Variants in PFKP observed in about 807,000 individuals in gnomAD.
PFKP encodes the protein ATP-dependent 6-phosphofructokinase, platelet type.
Under a neutral mutation model 94.3 loss-of-function variants are expected in PFKP, and 101 were observed. The ratio of observed to expected loss-of-function variants is 1.07; its 90% CI spans 0.91 to 1.26. The LOEUF (loss-of-function observed/expected upper bound fraction) is 1.26, where lower values mean the gene tolerates loss of function less well. Ranked by LOEUF, PFKP falls within the 50% of genes most tolerant of loss-of-function variation. The pLI, the probability that PFKP is intolerant of heterozygous loss-of-function variation, is 0.00. For synonymous variants in PFKP, 573 were observed against 432.6 expected (o/e 1.32, Z -4.03); for missense variants, 1,145 against 1,103.3 (o/e 1.04, Z -0.53).
intron 2 of PFKP, among the ~76,000 whole-genome samples, chr10:3,097,949 C>T (rs1439393564): frequency 2.0e-5 from 3 of 152,140 alleles, no homozygotes; most frequent in Non-Finnish European, 2.9e-5. Context: ...ATGTAAGTTG[C>T]AGTGAGCCGA....
intron 7 of PFKP, 71 bp from the exon 8 acceptor site, chr10:3,107,143 T>C (rs1835713402): frequency 3.2e-6 from 3 of 934,724 alleles, no homozygotes; most frequent in South Asian, 2.7e-5. Context: ...GACAGACTTC[T>C]GTGGTTTTGT....
At chr10:3,091,209 T>G (rs538317684) in intron 2 of PFKP, among the ~76,000 whole-genome samples, 2 of 152,312 alleles carry the variant, frequency 1.3e-5, no homozygotes, top group South Asian at 4.1e-4. Flanking sequence ...TGTTGCTTCT[T>G]TCTTTTTTCT....
chr10:3,120,481 A>G (rs1837299873), intron 16 of PFKP, among the ~76,000 whole-genome samples: 1 of 151,952 alleles, frequency 6.6e-6, no homozygotes, highest in Non-Finnish European at 1.5e-5. Context: ...ATTGAACTGA[A>G]TATTTTATAA....
intron 1 of PFKP, among the ~76,000 whole-genome samples, chr10:3,078,026 G>T (rs927966538): frequency 3.3e-5 from 5 of 152,180 alleles, no homozygotes; most frequent in African/African-American, 9.7e-5. Context: ...CTTGGGTTGG[G>T]CTCCCAAAAC....
intron 1 of PFKP, among the ~76,000 whole-genome samples, chr10:3,080,030 G>A (rs578003211): frequency 2.5e-4 from 38 of 152,202 alleles, no homozygotes; most frequent in Non-Finnish European, 4.9e-4. Context: ...TGCCAGAGCC[G>A]AGGAGGAGTT....
intron 7 of PFKP, among the ~76,000 whole-genome samples, chr10:3,106,108 A>G (rs1421891001): frequency 6.6e-6 from 1 of 152,082 alleles, no homozygotes. Flanking sequence ...TGTGTGCAAT[A>G]CAACCTCATC....
rs1344191541 is a variant in PFKP at position 3,136,701 on chromosome 10, ATCTGCC to A, written c.*123_*128del. On this transcript the variant is annotated 3_prime_UTR_variant, in exon 22 of 22. Transcript: ENST00000381125. ...ATTAATACCTAATCGGCGAGTGCCC[ATCTGCC>A]CCACCTGCTCCAGTGCGTGCTGTCT... The A allele has an allele frequency of 4.6e-5, 48 of 1,037,376 alleles. No homozygotes were observed. Among genetic ancestry groups the A allele is most frequent in the East Asian group, 2.5e-4 (9 of 36,316 alleles). The allele number at this position is 1,037,376 out of a possible 1,614,324, so 64.3% of individuals were successfully genotyped here.
chr10:3,110,555 C>T (rs746482037), intron 10 of PFKP, among the ~76,000 whole-genome samples: 1 of 151,978 alleles, frequency 6.6e-6, no homozygotes, highest in East Asian at 1.9e-4. Flanking sequence ...ATTCGTGACT[C>T]CTGTTTTGTT....
intron 16 of PFKP, 55 bp downstream of exon 16, chr10:3,120,099 C>T: frequency 6.4e-7 from 1 of 1,554,976 alleles, no homozygotes; most frequent in Non-Finnish European, 8.8e-7. Flanking sequence ...ACCCCGGGGC[C>T]CCGGCCCTTT....
chr10:3,068,643 C>T, intron 1 of PFKP: 3 of 984,526 alleles, frequency 3.0e-6, no homozygotes, highest in Non-Finnish European at 3.6e-6. Flanking sequence ...CATTGAAGAG[C>T]GGAAGGTGGC....
At chr10:3,104,035 AT>A (rs1835298542) in intron 5 of PFKP, 91 bp downstream of exon 5, 1 of 1,210,354 alleles carries the variant, frequency 8.3e-7, no homozygotes, top group Non-Finnish European at 1.2e-6. Flanking sequence ...CATTCTGCAG[AT>A]TGGGTGTCCT....
chr10:3,124,652 G>A (rs542217370), intron 16 of PFKP, among the ~76,000 whole-genome samples: 2 of 152,318 alleles, frequency 1.3e-5, no homozygotes, highest in Non-Finnish European at 2.9e-5. Context: ...GGCATTTGGT[G>A]TGGTCCTTAC....
At chr10:3,076,094 A>G (rs1441461279) in intron 1 of PFKP, among the ~76,000 whole-genome samples, 1 of 151,578 alleles carries the variant, frequency 6.6e-6, no homozygotes, top group Non-Finnish European at 1.5e-5. Flanking sequence ...CACTATTTTG[A>G]TAACAATCAA....
intron 15 of PFKP, 130 bp from the exon 16 acceptor site, chr10:3,119,762 G>GT: frequency 6.0e-6 from 4 of 663,996 alleles, no homozygotes; most frequent in East Asian, 2.8e-5. Context: ...GTTGATCTCG[G>GT]AGTGTTTTCG....
At chr10:3,135,613 G>C in intron 20 of PFKP, 123 bp from the exon 21 acceptor site, 1 of 630,050 alleles carries the variant, frequency 1.6e-6, no homozygotes, top group Non-Finnish European at 2.8e-6. Flanking sequence ...AGTCTCACTG[G>C]GCTTCCAGGC....
At position 3,116,654 on chromosome 10, in the gene PFKP, T is replaced by A. The variant is rs976972817; in HGVS notation, c.1372-122T>A. The A allele has an allele frequency of 3.8e-5, 29 of 761,234 alleles. No individual in the cohort carries two copies. The Admixed American group carries it at 4.7e-4, about 12-fold the overall frequency. The allele number at this position is 761,234 out of a possible 1,614,324, so 47.2% of individuals were successfully genotyped here. ...GGGCATCGTGATAAATGCTGTCTCA[T>A]ACGCCTCTCAAATCTTTACCGGAAT... On this transcript the variant is annotated intron_variant, in intron 13 of 21. Coordinates refer to ENST00000381125, the MANE Select transcript of PFKP (RefSeq NM_002627.5).
At chr10:3,110,356 G>A (rs1258304371) in intron 10 of PFKP, among the ~76,000 whole-genome samples, 11 of 141,596 alleles carry the variant, frequency 7.8e-5, no homozygotes, top group East Asian at 4.2e-4. Flanking sequence ...CCACCACCAC[G>A]CCTGGCTAAT....
chr10:3,102,230 G>A (rs1455480190), intron 4 of PFKP, among the ~76,000 whole-genome samples: 44 of 104,524 alleles, frequency 4.2e-4, no homozygotes, highest in South Asian at 1.2e-3. Context: ...CAGCCTGGGC[G>A]ACAGAGCGAG....
chr10:3,094,359 G>A lies in PFKP; in HGVS notation c.187-4916G>A, dbSNP rs183207368. Among the ~76,000 whole-genome samples, 618 of 152,352 alleles carry A rather than the reference G, an allele frequency of 4.1e-3. 3 individuals carry two copies. The highest frequency in any genetic ancestry group is 7.3e-3 in the Non-Finnish European group (495 of 68,042). On this transcript the variant is annotated intron_variant, in intron 2 of 21. Transcript: ENST00000381125. The stretch of plus-strand genomic sequence containing the variant: ...CATTATTGGTCTTCCAAAGAAGCAA[G>A]TGCAGGACCACATGATGGTGTGTCG...
Sources: allele counts gnomAD v4.1 joint callset (sites outside exome capture counted in the v4.1 genomes callset), GRCh38; gene constraint gnomAD v4.1.1; transcripts MANE v1.5; gene names NCBI Gene and HGNC (gene_info 2026-07-23, HGNC 2026-07-21).